The following SORCS3 variants were observed in gnomAD, a reference collection of about 807,000 sequenced individuals.
SORCS3 encodes sortilin related VPS10 domain containing receptor 3, also known as VPS10 domain-containing receptor SorCS3.
Under a neutral mutation model 146.3 loss-of-function variants are expected in SORCS3, and 57 were observed. The observed-to-expected ratio is 0.39, with a 90% CI of 0.31 to 0.49. SORCS3 has a LOEUF of 0.49. Ranked by LOEUF, SORCS3 falls within the 20% of genes least tolerant of loss-of-function variation. The probability of loss-of-function intolerance (pLI) is 0.92; values close to 1 mark genes in which losing one functional copy is unlikely to be tolerated. For missense variants in SORCS3, 1,341 were observed against 1,575.5 expected (o/e 0.85, Z 2.52); for synonymous variants, 653 against 618.5 (o/e 1.06, Z -0.83).
intron 5 of SORCS3, among the ~76,000 whole-genome samples, chr10:105,047,835 G>A (rs543118974): frequency 2.4e-4 from 36 of 152,156 alleles, no homozygotes; most frequent in African/African-American, 8.4e-4. Context: ...AAGGCCATGA[G>A]GGAAGGGAGG....
At chr10:105,105,284 G>A (rs2055812932) in intron 6 of SORCS3, 113 bp from the exon 7 acceptor site, 1 of 629,412 alleles carries the variant, frequency 1.6e-6, no homozygotes, top group South Asian at 2.0e-5. Context: ...AAATCTCACT[G>A]TTATTTTAAA....
At chr10:104,754,577 A>G (rs1192874442) in intron 1 of SORCS3, among the ~76,000 whole-genome samples, 1 of 148,488 alleles carries the variant, frequency 6.7e-6, no homozygotes, top group African/African-American at 2.5e-5. Context: ...GGAGAAGTTG[A>G]GAGAGACATA....
chr10:104,657,137 A>G (rs556518466), intron 1 of SORCS3, among the ~76,000 whole-genome samples: 1 of 152,218 alleles, frequency 6.6e-6, no homozygotes, highest in Non-Finnish European at 1.5e-5. Context: ...TGGGGTGGCC[A>G]TGAGAAAAAC....
chr10:104,863,532 G>A (rs966184629), intron 2 of SORCS3, among the ~76,000 whole-genome samples: 1 of 152,156 alleles, frequency 6.6e-6, no homozygotes, highest in African/African-American at 2.4e-5. Flanking sequence ...TGGTCTTACT[G>A]TGCATGGCTT....
chr10:104,886,676 T>C (rs2018692191), intron 2 of SORCS3, among the ~76,000 whole-genome samples: 2 of 152,154 alleles, frequency 1.3e-5, no homozygotes, highest in Non-Finnish European at 1.5e-5. Flanking sequence ...ACAGCAGCCA[T>C]TGATGGGAAA....
chr10:104,812,333 AC>A (rs1457977574), intron 1 of SORCS3, among the ~76,000 whole-genome samples: 1 of 152,214 alleles, frequency 6.6e-6, no homozygotes, highest in Non-Finnish European at 1.5e-5. Flanking sequence ...TCACTTCCTC[AC>A]TAGTTAGGTC....
chr10:104,642,441 C>T (rs2015437399), intron 1 of SORCS3, among the ~76,000 whole-genome samples: 1 of 146,368 alleles, frequency 6.8e-6, no homozygotes, highest in Non-Finnish European at 1.5e-5. Flanking sequence ...ATTCGGACTC[C>T]CAGCCTCCTG....
chr10:104,960,814 G>GA (rs1203649274), intron 3 of SORCS3, among the ~76,000 whole-genome samples: 1 of 151,972 alleles, frequency 6.6e-6, no homozygotes, highest in Non-Finnish European at 1.5e-5. Context: ...AGGTCCAATG[G>GA]AAAAAACAGG....
intron 1 of SORCS3, among the ~76,000 whole-genome samples, chr10:104,812,182 A>G (rs114211420): frequency 0.013 from 1,996 of 152,266 alleles, 15 homozygotes; most frequent in Non-Finnish European, 0.018. Flanking sequence ...CAGAGTAAGG[A>G]CACAGTGCAT....
intron 1 of SORCS3, among the ~76,000 whole-genome samples, chr10:104,728,937 A>G (rs911346744): frequency 7.2e-5 from 11 of 152,188 alleles, no homozygotes; most frequent in African/African-American, 1.7e-4. Context: ...AATCTCAACA[A>G]TTACATCCCA....
At chr10:104,914,562 C>T (rs955884689) in intron 2 of SORCS3, among the ~76,000 whole-genome samples, 2 of 152,104 alleles carry the variant, frequency 1.3e-5, no homozygotes, top group African/African-American at 4.8e-5. Flanking sequence ...GAGGCACAAG[C>T]CATCGGGCTG....
At chr10:104,977,951 C>A (rs1039031947) in intron 4 of SORCS3, among the ~76,000 whole-genome samples, 3 of 151,800 alleles carry the variant, frequency 2.0e-5, no homozygotes, top group African/African-American at 7.3e-5. Context: ...AGGATGGTCT[C>A]GATCTCTTAA....
chr10:104,817,147 C>A (rs536140416), intron 1 of SORCS3, among the ~76,000 whole-genome samples: 110 of 152,240 alleles, frequency 7.2e-4, no homozygotes, highest in African/African-American at 2.6e-3. Context: ...TGAAGGGGCC[C>A]ACACTACTTA....
intron 2 of SORCS3, among the ~76,000 whole-genome samples, chr10:104,894,017 C>A (rs2018774754): frequency 6.6e-6 from 1 of 152,180 alleles, no homozygotes; most frequent in Admixed American, 6.5e-5. Context: ...CTTGCCCAGG[C>A]CTTTCTATTT....
At chr10:104,830,852 C>T (rs1247195961) in intron 1 of SORCS3, among the ~76,000 whole-genome samples, 4 of 152,140 alleles carry the variant, frequency 2.6e-5, no homozygotes, top group South Asian at 4.1e-4. Context: ...TTCTCTGTCA[C>T]CCAGGCTGGA....
At chr10:104,859,045 GTA>G (rs1042915912) in intron 2 of SORCS3, among the ~76,000 whole-genome samples, 1 of 151,974 alleles carries the variant, frequency 6.6e-6, no homozygotes, top group African/African-American at 2.4e-5. Context: ...GTTGCAGCTT[GTA>G]TGTGTGTGTG....
intron 3 of SORCS3, among the ~76,000 whole-genome samples, chr10:104,972,630 G>A (rs1485974950): frequency 6.6e-6 from 1 of 151,976 alleles, no homozygotes; most frequent in Non-Finnish European, 1.5e-5. Context: ...GGGGGAGAGA[G>A]AGAGAAAGAG....
At chr10:105,015,875 G>A (rs918662110) in intron 4 of SORCS3, among the ~76,000 whole-genome samples, 2 of 150,870 alleles carry the variant, frequency 1.3e-5, no homozygotes, top group Admixed American at 6.6e-5. Flanking sequence ...GATTACAGGC[G>A]CACACCACCA....
intron 1 of SORCS3, among the ~76,000 whole-genome samples, chr10:104,752,375 A>G (rs1309261999): frequency 1.3e-5 from 2 of 152,128 alleles, no homozygotes; most frequent in African/African-American, 4.8e-5. Flanking sequence ...GAGAGAGATC[A>G]TTTTGGAGCA....
Sources: gnomAD v4.1 joint callset for allele counts (sites outside exome capture counted in the v4.1 genomes callset) on GRCh38, gnomAD v4.1.1 for gene constraint, MANE v1.5 for transcripts, NCBI Gene and HGNC (gene_info 2026-07-23, HGNC 2026-07-21) for gene names.